RIOK3: variants seen among roughly 807,000 people sequenced by gnomAD.
RIOK3 encodes serine/threonine-protein kinase RIO3.
A neutral mutation model predicts 63.5 loss-of-function variants in RIOK3; 40 were observed. That is an observed-to-expected ratio of 0.63 (90% CI 0.49 to 0.82). The LOEUF is 0.82. Ranked by LOEUF, RIOK3 falls within the 40% of genes least tolerant of loss-of-function variation. The pLI, the probability that RIOK3 is intolerant of heterozygous loss-of-function variation, is 0.00. For synonymous variants in RIOK3, 193 were observed against 205.0 expected (o/e 0.94, Z 0.50); for missense variants, 557 against 637.0 (o/e 0.87, Z 1.35).
intron 11 of RIOK3, among the ~76,000 whole-genome samples, chr18:23,477,766 CA>C (rs538290499): frequency 0.03 from 2,083 of 69,150 alleles, 38 homozygotes; most frequent in African/African-American, 0.079. Context: ...GGCTCCGTCT[CA>C]AAAAAAAAAA....
chr18:23,480,555 G>GCGCGCACACA (rs779698307), intron 12 of RIOK3, among the ~76,000 whole-genome samples: 22 of 142,096 alleles, frequency 1.5e-4, no homozygotes, highest in South Asian at 6.8e-4. Context: ...TTGGATGCAC[G>GCGCGCACACA]CACACACACA....
intron 2 of RIOK3, 174 bp downstream of exon 2, chr18:23,463,253 C>A: frequency 2.0e-6 from 1 of 501,952 alleles, no homozygotes; most frequent in South Asian, 2.9e-5. Flanking sequence ...TCATTATTAT[C>A]TTGGACAAAC....
intron 1 of RIOK3, among the ~76,000 whole-genome samples, chr18:23,456,211 G>C (rs568043539): frequency 6.6e-6 from 1 of 152,270 alleles, no homozygotes; most frequent in South Asian, 2.1e-4. Flanking sequence ...AAAATGTTAG[G>C]ATTACAGGCG....
intron 6 of RIOK3, among the ~76,000 whole-genome samples, chr18:23,466,846 T>TA (rs747085679): frequency 6.8e-6 from 1 of 147,830 alleles, no homozygotes; most frequent in Non-Finnish European, 1.5e-5. Flanking sequence ...GCAAAAGTTT[T>TA]AAAAAATTAG....
intron 11 of RIOK3, among the ~76,000 whole-genome samples, chr18:23,477,943 G>A (rs989817641): frequency 6.6e-6 from 1 of 151,640 alleles, no homozygotes; most frequent in Middle Eastern, 3.4e-3. Context: ...GCGGTAGCGT[G>A]TGCCTGTAAT....
chr18:23,478,603 A>G (rs2057509389), intron 11 of RIOK3, among the ~76,000 whole-genome samples: 1 of 93,320 alleles, frequency 1.1e-5, no homozygotes, highest in Admixed American at 1.2e-4. Context: ...TAAAAAAACA[A>G]AACATATATA....
chr18:23,471,417 A>G (rs2057455571), intron 7 of RIOK3, among the ~76,000 whole-genome samples: 1 of 152,178 alleles, frequency 6.6e-6, no homozygotes, highest in Non-Finnish European at 1.5e-5. Flanking sequence ...AATGGGAGAG[A>G]GGGGGCTGGA....
chr18:23,454,807 A>G (rs1280890533), intron 1 of RIOK3, among the ~76,000 whole-genome samples: 1 of 152,226 alleles, frequency 6.6e-6, no homozygotes, highest in African/African-American at 2.4e-5. Context: ...TAGACGCTCT[A>G]TTGGGAGGAC....
rs2057460304 is a variant in RIOK3 at position 23,472,115 on chromosome 18, C to T, written c.816-1314C>T. Reference sequence around the variant, plus strand: ...GGGCGTGGTGGCATGCACGTGTAATCCCAGCTACTCAAGAGGCTGAGGCAG... The same window carrying T: ...GGGCGTGGTGGCATGCACGTGTAATTCCAGCTACTCAAGAGGCTGAGGCAG... On this transcript the variant is annotated intron_variant, in intron 7 of 12. Transcript: ENST00000339486. 2.0e-5 allele frequency among the ~76,000 whole-genome samples: 3 copies of T among 152,046 alleles called. No homozygotes were observed. In the South Asian group the frequency reaches 6.2e-4, roughly 32 times the overall value.
At chr18:23,469,974 T>C (rs1259456939) in intron 7 of RIOK3, among the ~76,000 whole-genome samples, 1 of 152,124 alleles carries the variant, frequency 6.6e-6, no homozygotes, top group Non-Finnish European at 1.5e-5. Flanking sequence ...AATTACATAA[T>C]AGAGTACCCA....
Position 23,475,462 on chromosome 18 carries a change from C to CAAA in RIOK3, c.1173+371_1173+373dup, listed in dbSNP as rs60717269. Among the ~76,000 whole-genome samples, 279 of 99,306 alleles carry CAAA rather than the reference C, an allele frequency of 2.8e-3. 4 individuals are homozygous for CAAA. The highest frequency in any genetic ancestry group is 0.011 in the African/African-American group (258 of 23,746). 65.1% of individuals were successfully genotyped at this position (99,306 alleles called of 152,430 possible). A position where few individuals can be genotyped will look rare whatever the true frequency, so the allele number is the denominator to read the frequency against. On this transcript the variant is annotated intron_variant, in intron 9 of 12. Transcript: ENST00000339486. ...TGGGTGACAGAGTAAGACTCTGTCT[C>CAAA]AAAAAAAAAAAAAAAAAATTAAAAA...
intron 11 of RIOK3, among the ~76,000 whole-genome samples, chr18:23,478,743 C>A (rs1043344841): frequency 1.3e-5 from 2 of 151,090 alleles, no homozygotes; most frequent in Non-Finnish European, 2.9e-5. Context: ...ATTCAGATAG[C>A]AATGATCTTT....
chr18:23,463,176 G>A, intron 2 of RIOK3, 97 bp downstream of exon 2: 1 of 711,676 alleles, frequency 1.4e-6, no homozygotes, highest in Non-Finnish European at 2.4e-6. Flanking sequence ...AAAAAGCAGT[G>A]CAGAAGAAAG....
At chr18:23,468,367 A>G (rs1018133919) in intron 7 of RIOK3, among the ~76,000 whole-genome samples, 1 of 136,034 alleles carries the variant, frequency 7.4e-6, no homozygotes, top group Admixed American at 8.5e-5. Context: ...CAATGGCGCA[A>G]TCTCAGCTCA....
At chr18:23,479,567 G>T in intron 12 of RIOK3, 143 bp downstream of exon 12, 2 of 562,036 alleles carry the variant, frequency 3.6e-6, no homozygotes, top group African/African-American at 1.9e-5. Flanking sequence ...AGATGTTTTT[G>T]GTTTTTTCTT....
In RIOK3 at chr18:23,477,242, T is replaced by C; in HGVS notation, c.1318T>C (p.Phe440Leu). Residue 440 changes from phenylalanine to leucine, a missense_variant, in exon 11 of 13, where the codon TTC becomes CTC. Phe to Leu is a conservative substitution (Grantham distance 22). Transcript: ENST00000339486. ...CCACCCTCACGGCCTGGAGTTCTTGTTCCGGGACTGCAGGAATGTCTCGCA... is the reference window on the plus strand; with the variant it reads ...CCACCCTCACGGCCTGGAGTTCTTGCTCCGGGACTGCAGGAATGTCTCGCA... The part of the protein sequence containing the change: ...PTHPHGLEFL[F>L]RDCRNVSQFF... 6.2e-7 allele frequency: 1 copy of C among 1,614,170 alleles called. No individual in the cohort carries two copies. Among genetic ancestry groups the C allele is most frequent in the Non-Finnish European group, 8.5e-7 (1 of 1,179,984 alleles).
Position 23,477,194 on chromosome 18 carries a change from G to A in RIOK3, c.1270G>A (p.Val424Ile), listed in dbSNP as rs757923946. The stretch of plus-strand genomic sequence containing the variant: ...ATTGAAATAGGTCTGGTTGATCGAT[G>A]TCAGTCAGTCAGTAGAACCTACCCA... Reference protein sequence around the residue: ...WHAGKVWLIDVSQSVEPTHPH... With the variant: ...WHAGKVWLIDISQSVEPTHPH... Residue 424 changes from valine to isoleucine, a missense_variant, in exon 11 of 13, where the codon GTC becomes ATC. Coordinates refer to ENST00000339486, the MANE Select transcript of RIOK3 (RefSeq NM_003831.5). 2 of 1,613,664 alleles carry A rather than the reference G, an allele frequency of 1.2e-6. No homozygotes were observed. The highest frequency in any genetic ancestry group is 1.7e-5 in the Admixed American group (1 of 60,020).
At chr18:23,467,815 TC>T (rs2057420174) in intron 7 of RIOK3, among the ~76,000 whole-genome samples, 1 of 151,988 alleles carries the variant, frequency 6.6e-6, no homozygotes, top group Non-Finnish European at 1.5e-5. Context: ...TCACTCTTGT[TC>T]CCCAGGCTGG....
At chr18:23,469,403 C>CTCTCTCTCTCTCCCTCT (rs1568384666) in intron 7 of RIOK3, among the ~76,000 whole-genome samples, 27 of 66,404 alleles carry the variant, frequency 4.1e-4, no homozygotes, top group African/African-American at 1.7e-3. Context: ...CTCCTCTCTC[C>CTCTCTCTCTCTCCCTCT]CCTCTCTCCT....
Sources: allele counts gnomAD v4.1 joint callset (sites outside exome capture counted in the v4.1 genomes callset), GRCh38; gene constraint gnomAD v4.1.1; transcripts MANE v1.5; gene names NCBI Gene and HGNC (gene_info 2026-07-23, HGNC 2026-07-21).